Variants in LIMK2 observed in about 807,000 individuals in gnomAD.
LIMK2 encodes LIM domain kinase 2.
A neutral mutation model predicts 75.7 loss-of-function variants in LIMK2; 35 were observed. The observed-to-expected ratio is 0.46, with a 90% CI of 0.35 to 0.61. LIMK2 has a LOEUF of 0.61. Ranked by LOEUF, LIMK2 falls within the 20% of genes least tolerant of loss-of-function variation. The probability of loss-of-function intolerance (pLI) is 0.00; values close to 1 mark genes in which losing one functional copy is unlikely to be tolerated. For missense variants in LIMK2, 623 were observed against 831.0 expected (o/e 0.75, Z 3.08); for synonymous variants, 301 against 319.2 (o/e 0.94, Z 0.61).
intron 11 of LIMK2, among the ~76,000 whole-genome samples, chr22:31,270,710 A>C (rs936914182): frequency 6.6e-6 from 1 of 152,194 alleles, no homozygotes; most frequent in Non-Finnish European, 1.5e-5. Context: ...GCAAGAAGTC[A>C]CTTCTCTGTT....
At chr22:31,231,260 C>T (rs1026539633) in intron 2 of LIMK2, among the ~76,000 whole-genome samples, 3 of 152,188 alleles carry the variant, frequency 2.0e-5, no homozygotes, top group African/African-American at 7.2e-5. Flanking sequence ...TTAAAGGCTT[C>T]ATGGACTCTA....
chr22:31,277,450 A>C (rs1328749644), intron 15 of LIMK2: 1 of 1,146,504 alleles, frequency 8.7e-7, no homozygotes, highest in Non-Finnish European at 1.1e-6. Context: ...CCAGCGGTCC[A>C]CATTAGAGTT....
At position 31,276,915 on chromosome 22, in the gene LIMK2, G is replaced by T. The variant is rs148512669; in HGVS notation, c.1773-1382G>T. On this transcript the variant is annotated intron_variant, in intron 15 of 15. Coordinates refer to ENST00000331728, the MANE Select transcript of LIMK2 (RefSeq NM_005569.4). Reference sequence around the variant, plus strand: ...TACGGAAGCACCTCAACCTAGAGGAGTGGATCCTGGAGCAGCTCACGCGCC... The same window carrying T: ...TACGGAAGCACCTCAACCTAGAGGATTGGATCCTGGAGCAGCTCACGCGCC... The T allele has an allele frequency of 6.2e-7, 1 of 1,613,498 alleles. No homozygotes were observed.
intron 1 of LIMK2, among the ~76,000 whole-genome samples, chr22:31,214,263 A>G (rs2048372137): frequency 6.6e-6 from 1 of 152,238 alleles, no homozygotes; most frequent in Non-Finnish European, 1.5e-5. Flanking sequence ...TCTTTCTTTC[A>G]TTCAAAGAAT....
chr22:31,228,712 C>T (rs2048499793), intron 2 of LIMK2, among the ~76,000 whole-genome samples: 1 of 152,032 alleles, frequency 6.6e-6, no homozygotes, highest in Non-Finnish European at 1.5e-5. Context: ...GCAGAAGGAT[C>T]GCTTGAGCCC....
At chr22:31,223,743 C>G (rs192520614) in intron 1 of LIMK2, among the ~76,000 whole-genome samples, 25 of 152,256 alleles carry the variant, frequency 1.6e-4, no homozygotes, top group South Asian at 8.3e-4. Flanking sequence ...ACCACTGTCA[C>G]CCTAAAACCA....
At chr22:31,238,239 G>C (rs2048596440) in intron 2 of LIMK2, among the ~76,000 whole-genome samples, 1 of 152,164 alleles carries the variant, frequency 6.6e-6, no homozygotes, top group African/African-American at 2.4e-5. Context: ...TCTAGATTTG[G>C]TCACCAGAAT....
chr22:31,273,846 C>T (rs2048983995), intron 14 of LIMK2, among the ~76,000 whole-genome samples: 1 of 151,996 alleles, frequency 6.6e-6, no homozygotes. Context: ...TACCGGCACA[C>T]ACCACCATGC....
chr22:31,262,058 C>A lies in LIMK2; in HGVS notation c.552-76C>A. On this transcript the variant is annotated intron_variant, in intron 5 of 15. Transcript: ENST00000331728. The surrounding 1 kb of genome is among the most constrained non-coding windows in gnomAD (Gnocchi z 5.0). ...ACTGGTGGCCTGGGACCTGGTAAACCTTCCCTGCACAAGCAGAATTGGTCA... is the reference window on the plus strand; with the variant it reads ...ACTGGTGGCCTGGGACCTGGTAAACATTCCCTGCACAAGCAGAATTGGTCA... 1 of 1,240,154 alleles carries A rather than the reference C, an allele frequency of 8.1e-7. No homozygotes were observed. The highest frequency in any genetic ancestry group is 1.2e-6 in the Non-Finnish European group (1 of 842,496). 76.8% of individuals were successfully genotyped at this position (1,240,154 alleles called of 1,614,324 possible).
In LIMK2 at chr22:31,255,978, CTTTTTTTTTTTTTTTTTTTT is replaced by C. The variant is rs567250437; in HGVS notation, c.117-2294_117-2275del. ...ATACTGAGTTTCTACTATATTGGGT[CTTTTTTTTTTTTTTTTTTTT>C]TTTTTTTTTTTTTTTTTTGAGACGG... On this transcript the variant is annotated intron_variant, in intron 2 of 15. Transcript: ENST00000331728. Among the ~76,000 whole-genome samples the C allele has an allele frequency of 9.4e-3, 279 of 29,686 alleles. 2 individuals are homozygous for C. Among genetic ancestry groups the C allele is most frequent in the African/African-American group, 0.031 (259 of 8,410 alleles). The allele number at this position is 29,686 out of a possible 152,430, so 19.5% of individuals were successfully genotyped here. A position where few individuals can be genotyped will look rare whatever the true frequency, so the allele number is the denominator to read the frequency against.
At chr22:31,249,056 C>A (rs903036247) in intron 2 of LIMK2, among the ~76,000 whole-genome samples, 1 of 152,198 alleles carries the variant, frequency 6.6e-6, no homozygotes, top group Non-Finnish European at 1.5e-5. Flanking sequence ...ACTGACCTGC[C>A]CATTGTAGAT....
At chr22:31,275,109 C>T in intron 14 of LIMK2, 42 bp from the exon 15 acceptor site, 1 of 1,599,010 alleles carries the variant, frequency 6.3e-7, no homozygotes, top group South Asian at 1.1e-5. Flanking sequence ...GTATCTGTGG[C>T]CTCTGTAGTC....
At position 31,272,660 on chromosome 22, in the gene LIMK2, C is replaced by T. The variant is rs2048971649; in HGVS notation, c.1514C>T (p.Thr505Met). The change falls in exon 13 of 16, where the codon ACG (threonine) becomes ATG (methionine). Residue 505 changes from threonine to methionine, a missense_variant. This residue lies in a region of LIMK2 where 63 missense variants were observed against 122.8 expected (regional missense o/e 0.51). Coordinates refer to ENST00000331728, the MANE Select transcript of LIMK2 (RefSeq NM_005569.4). ...AAGAACGACCGCAAGAAGCGCTACA[C>T]GGTGGTGGGAAACCCCTACTGGATG... ...LRKNDRKKRY[T>M]VVGNPYWMAP... The T allele has an allele frequency of 1.2e-6, 2 of 1,613,414 alleles. No homozygotes were observed. Among genetic ancestry groups the T allele is most frequent in the Non-Finnish European group, 1.7e-6 (2 of 1,179,744 alleles).
intron 1 of LIMK2, among the ~76,000 whole-genome samples, chr22:31,212,640 CAG>C (rs1165652768): frequency 6.6e-6 from 1 of 151,934 alleles, no homozygotes; most frequent in African/African-American, 2.4e-5. Flanking sequence ...ATCCTGGAGA[CAG>C]AGGGCTCCGA....
At position 31,267,760 on chromosome 22, in the gene LIMK2, C is replaced by T; in HGVS notation, c.1129-16C>T. 1 of 1,575,316 alleles carries T rather than the reference C, an allele frequency of 6.3e-7. No individual in the cohort carries two copies. Among genetic ancestry groups the T allele is most frequent in the Admixed American group, 1.9e-5 (1 of 51,584 alleles). On this transcript the variant is annotated splice_polypyrimidine_tract_variant and intron_variant, in intron 9 of 15. Coordinates refer to ENST00000331728, the MANE Select transcript of LIMK2 (RefSeq NM_005569.4). ...GAAGTTAACCACCAGCTTTCCTTGG[C>T]TTCCCCCACCCCCAGGTGAAAGTGA...
chr22:31,254,384 C>T (rs1430926602), intron 2 of LIMK2, among the ~76,000 whole-genome samples: 2 of 152,244 alleles, frequency 1.3e-5, no homozygotes, highest in Admixed American at 6.5e-5. Flanking sequence ...CCATGGAACC[C>T]TTGTGCTCCC....
chr22:31,256,867 C>G (rs993184529), intron 2 of LIMK2, among the ~76,000 whole-genome samples: 2 of 151,838 alleles, frequency 1.3e-5, no homozygotes, highest in Non-Finnish European at 2.9e-5. Flanking sequence ...AAAGAAGGAG[C>G]TAGAAGGAAA....
At position 31,272,662 on chromosome 22, in the gene LIMK2, G is replaced by A. The variant is rs2048971683; in HGVS notation, c.1516G>A (p.Val506Met). ...GAACGACCGCAAGAAGCGCTACACG[G>A]TGGTGGGAAACCCCTACTGGATGGC... ...RKNDRKKRYTVVGNPYWMAPE... is the reference protein window; with the variant it reads ...RKNDRKKRYTMVGNPYWMAPE... Residue 506 changes from valine to methionine, a missense_variant, in exon 13 of 16, where the codon GTG becomes ATG. By Grantham distance (21) the Val-to-Met change is conservative. Around this residue, in one of 3 missense-constraint regions of LIMK2, gnomAD observed 63 missense variants for 122.8 expected, o/e 0.51. Coordinates refer to ENST00000331728, the MANE Select transcript of LIMK2 (RefSeq NM_005569.4). 1 of 1,613,352 alleles carries A rather than the reference G, an allele frequency of 6.2e-7. No homozygotes were observed. Among genetic ancestry groups the A allele is most frequent in the African/African-American group, 1.3e-5 (1 of 74,842 alleles).
At position 31,272,975 on chromosome 22, in the gene LIMK2, C is replaced by T. The variant is rs550544801; in HGVS notation, c.1558+271C>T. On this transcript the variant is annotated intron_variant, in intron 13 of 15. Coordinates refer to ENST00000331728, the MANE Select transcript of LIMK2 (RefSeq NM_005569.4). ...ATCGCTAAGAGCTCAGGCTATTGTC[C>T]CAGCTTTAGCCTTCTCTCTCCATGG... 679 of 1,221,546 alleles carry T rather than the reference C, an allele frequency of 5.6e-4. 1 individual carries two copies. Among genetic ancestry groups the T allele is most frequent in the Non-Finnish European group, 6.6e-4 (642 of 976,394 alleles). The allele number at this position is 1,221,546 out of a possible 1,614,324, so 75.7% of individuals were successfully genotyped here.
Sources: allele counts gnomAD v4.1 joint callset (sites outside exome capture counted in the v4.1 genomes callset), GRCh38; gene constraint gnomAD v4.1.1; regional missense constraint gnomAD v4.1.1; non-coding constraint Gnocchi (gnomAD v3.1); transcripts MANE v1.5; gene names NCBI Gene and HGNC (gene_info 2026-07-23, HGNC 2026-07-21).